Variants in RBPMS observed in about 807,000 individuals in gnomAD.
The protein encoded by RBPMS is RNA-binding protein with multiple splicing.
RBPMS carries 7 observed loss-of-function variants against 26.8 expected under a neutral mutation model. The ratio of observed to expected loss-of-function variants is 0.26; its 90% CI spans 0.15 to 0.49. RBPMS has a LOEUF of 0.49. Among genes scored for constraint, RBPMS ranks in the 20% least tolerant of loss-of-function variants. The pLI, the probability that RBPMS is intolerant of heterozygous loss-of-function variation, is 0.98. For synonymous variants in RBPMS, 96 were observed against 93.3 expected (o/e 1.03, Z -0.17); for missense variants, 186 against 250.0 (o/e 0.74, Z 1.73).
chr8:30,555,859 C>T, intron 6 of RBPMS: 1 of 984,572 alleles, frequency 1.0e-6, no homozygotes, highest in African/African-American at 1.7e-5. Flanking sequence ...TAAGAGAGAA[C>T]CCTCTCCTCA....
At chr8:30,568,898 G>C (rs1279352932) in intron 8 of RBPMS, among the ~76,000 whole-genome samples, 2 of 151,974 alleles carry the variant, frequency 1.3e-5, no homozygotes, top group African/African-American at 2.4e-5. Flanking sequence ...TCCCATGCAA[G>C]GATCCCATTT....
At chr8:30,527,207 C>G (rs1224946330) in intron 5 of RBPMS, among the ~76,000 whole-genome samples, 2 of 152,162 alleles carry the variant, frequency 1.3e-5, no homozygotes, top group African/African-American at 4.8e-5. Context: ...ACTGTAAACC[C>G]TCAGACACGC....
intron 6 of RBPMS, among the ~76,000 whole-genome samples, chr8:30,550,440 C>G (rs1826259345): frequency 6.6e-6 from 1 of 152,162 alleles, no homozygotes; most frequent in African/African-American, 2.4e-5. Flanking sequence ...GGTAGCCCTT[C>G]CCAAGGATCT....
chr8:30,568,453 G>A (rs1049987498), intron 8 of RBPMS, among the ~76,000 whole-genome samples: 2 of 152,300 alleles, frequency 1.3e-5, no homozygotes, highest in South Asian at 2.1e-4. Flanking sequence ...CTGTCCCCAC[G>A]TTCTGAGTTC....
chr8:30,480,982 C>T (rs552194206), intron 4 of RBPMS, among the ~76,000 whole-genome samples: 1 of 152,244 alleles, frequency 6.6e-6, no homozygotes, highest in Non-Finnish European at 1.5e-5. Context: ...CATTGCTTTA[C>T]TATACTTCTC....
At chr8:30,467,370 G>A (rs371110887) in intron 1 of RBPMS, among the ~76,000 whole-genome samples, 5 of 152,288 alleles carry the variant, frequency 3.3e-5, no homozygotes, top group South Asian at 2.1e-4. Flanking sequence ...TTTACAAGCT[G>A]GGCCCTGATG....
chr8:30,434,789 A>C (rs905832362), intron 1 of RBPMS, among the ~76,000 whole-genome samples: 1 of 151,526 alleles, frequency 6.6e-6, no homozygotes, highest in Non-Finnish European at 1.5e-5. Context: ...ACACACACAC[A>C]CACACACACA....
At chr8:30,528,451 G>C (rs994298836) in intron 5 of RBPMS, among the ~76,000 whole-genome samples, 3 of 152,118 alleles carry the variant, frequency 2.0e-5, no homozygotes, top group African/African-American at 7.2e-5. Context: ...ATGGGGAGCC[G>C]GGACATACCT....
At chr8:30,516,281 A>G (rs544482420) in intron 5 of RBPMS, among the ~76,000 whole-genome samples, 85 of 152,272 alleles carry the variant, frequency 5.6e-4, no homozygotes, top group African/African-American at 1.9e-3. Flanking sequence ...GCTCCTCAGG[A>G]AGCTGAGGCA....
At chr8:30,461,672 G>A (rs1259482269) in intron 1 of RBPMS, among the ~76,000 whole-genome samples, 1 of 152,190 alleles carries the variant, frequency 6.6e-6, no homozygotes, top group Non-Finnish European at 1.5e-5. Context: ...TGGGATTACA[G>A]GTGTGAGCCA....
chr8:30,480,785 C>CTTTA (rs963791966), intron 4 of RBPMS, among the ~76,000 whole-genome samples: 70 of 152,304 alleles, frequency 4.6e-4, no homozygotes, highest in African/African-American at 1.6e-3. Context: ...TATAATGACA[C>CTTTA]TTTAAACTTA....
chr8:30,420,220 C>G (rs1314088956), intron 1 of RBPMS, among the ~76,000 whole-genome samples: 1 of 150,392 alleles, frequency 6.6e-6, no homozygotes, highest in Non-Finnish European at 1.5e-5. Flanking sequence ...AGAGCAAGAC[C>G]CTGCTTCAAA....
intron 6 of RBPMS, chr8:30,556,364 G>A (rs760232087): frequency 4.1e-6 from 4 of 985,630 alleles, no homozygotes; most frequent in Non-Finnish European, 4.8e-6. Flanking sequence ...CCCCAACCCT[G>A]CAGGCACCTG....
chr8:30,514,127 A>G (rs1022107959), intron 5 of RBPMS, among the ~76,000 whole-genome samples: 2 of 152,226 alleles, frequency 1.3e-5, no homozygotes, highest in Non-Finnish European at 2.9e-5. Context: ...GTGCAGCAGT[A>G]AAGTGTGCAT....
intron 5 of RBPMS, among the ~76,000 whole-genome samples, chr8:30,511,484 A>ATATATATATATATATAT (rs1821645539): frequency 1.6e-4 from 1 of 6,150 alleles, no homozygotes; most frequent in African/African-American, 3.4e-4. Context: ...AAAAAAAAAA[A>ATATATATATATATATAT]AAATATATAT....
chr8:30,549,700 C>T, intron 6 of RBPMS: 1 of 710,306 alleles, frequency 1.4e-6, no homozygotes, highest in Non-Finnish European at 2.5e-6. Flanking sequence ...GGTCTCCTTT[C>T]CTTTCCCAGG....
intron 1 of RBPMS, among the ~76,000 whole-genome samples, chr8:30,424,338 ATTATAGAT>A (rs1280534187): frequency 6.6e-6 from 1 of 152,244 alleles, no homozygotes; most frequent in Non-Finnish European, 1.5e-5. Context: ...GGTAGCGATA[ATTATAGAT>A]CATGCCTCAA....
intron 6 of RBPMS, among the ~76,000 whole-genome samples, chr8:30,557,953 C>T (rs181763032): frequency 3.9e-5 from 6 of 152,194 alleles, no homozygotes; most frequent in African/African-American, 1.4e-4. Context: ...CAACCTCCCC[C>T]CTCCTGGTTC....
intron 1 of RBPMS, among the ~76,000 whole-genome samples, chr8:30,440,049 C>T (rs1017983867): frequency 6.6e-6 from 1 of 152,080 alleles, no homozygotes; most frequent in Admixed American, 6.5e-5. Flanking sequence ...ATCAGTCATT[C>T]GATCAATCAA....
Sources: allele counts gnomAD v4.1 joint callset (sites outside exome capture counted in the v4.1 genomes callset), GRCh38; gene constraint gnomAD v4.1.1; transcripts MANE v1.5; gene names NCBI Gene and HGNC (gene_info 2026-07-23, HGNC 2026-07-21).